The following OTOG variants were observed in gnomAD, a reference collection of about 807,000 sequenced individuals.
OTOG encodes otogelin.
A neutral mutation model predicts 313.8 loss-of-function variants in OTOG; 296 were observed. The observed-to-expected ratio is 0.94, with a 90% CI of 0.86 to 1.04. The LOEUF is 1.04. Ranked by LOEUF, OTOG falls within the 50% of genes least tolerant of loss-of-function variation. The pLI, the probability that OTOG is intolerant of heterozygous loss-of-function variation, is 0.00. For missense variants in OTOG, 3,948 were observed against 3,840.1 expected (o/e 1.03, Z -0.74); for synonymous variants, 1,533 against 1,554.9 (o/e 0.99, Z 0.33).
chr11:17,613,251 CTTTCTTTCTTTCTT>C, intron 38 of OTOG, among the ~76,000 whole-genome samples: 1 of 123,086 alleles, frequency 8.1e-6, no homozygotes, highest in African/African-American at 3.6e-5. Context: ...TTCTTTCTTT[CTTTCTTTCTTTCTT>C]TCTCTCTCTG....
chr11:17,552,549 C>CCCACCTGTCCTGTGTCT (rs1851960692), intron 4 of OTOG, among the ~76,000 whole-genome samples: 8 of 65,538 alleles, frequency 1.2e-4, no homozygotes, highest in East Asian at 4.5e-4. Flanking sequence ...GTCCTGTGTC[C>CCCACCTGTCCTGTGTCT]CCCACCTGTC....
chr11:17,597,174 A>G (rs1420322999), intron 30 of OTOG, among the ~76,000 whole-genome samples, 167 bp downstream of exon 30: 1 of 152,204 alleles, frequency 6.6e-6, no homozygotes, highest in Non-Finnish European at 1.5e-5. Flanking sequence ...ACCCTTTGAA[A>G]CAGGGCTATA....
chr11:17,614,136 A>G (rs1447969328), intron 39 of OTOG, among the ~76,000 whole-genome samples: 1 of 152,160 alleles, frequency 6.6e-6, no homozygotes, highest in Non-Finnish European at 1.5e-5. Flanking sequence ...AGGCCGGGGT[A>G]TCCAACAACA....
At chr11:17,558,100 G>A in intron 8 of OTOG, 85 bp from the exon 9 acceptor site, 1 of 1,477,560 alleles carries the variant, frequency 6.8e-7, no homozygotes, top group Non-Finnish European at 9.1e-7. Context: ...CATCCCTTGG[G>A]ATCCGCTTTC....
chr11:17,610,794 C>G lies in OTOG; in HGVS notation c.5494C>G (p.Pro1832Ala). Residue 1832 changes from proline (P) to alanine (A), a missense_variant, in exon 36 of 56, where the codon CCA becomes GCA. Physicochemically the swap from Pro to Ala is conservative, Grantham distance 27 (BLOSUM62 -1). Transcript: ENST00000399397. The part of the protein sequence containing the change: ...PGPKASVITT[P>A]LQPQATTLPA... ...CCCCAAAGCCTCTGTCATCACCACT[C>G]CACTCCAGCCACAGGCCACGACTCT... 1 of 1,550,436 alleles carries G rather than the reference C, an allele frequency of 6.4e-7. No homozygotes were observed. The highest frequency in any genetic ancestry group is 8.7e-7 in the Non-Finnish European group (1 of 1,147,000).
intron 39 of OTOG, among the ~76,000 whole-genome samples, chr11:17,623,582 A>G (rs536502688): frequency 6.6e-6 from 1 of 152,248 alleles, no homozygotes; most frequent in East Asian, 1.9e-4. Flanking sequence ...TGTCTTTGCT[A>G]TTGTGAGTAG....
intron 36 of OTOG, among the ~76,000 whole-genome samples, 168 bp from the exon 37 acceptor site, chr11:17,611,992 TCG>T (rs1333952565): frequency 7.9e-5 from 12 of 152,206 alleles, no homozygotes; most frequent in Non-Finnish European, 1.6e-4. Flanking sequence ...ACTAAGTGCA[TCG>T]CCAGGCCCCA....
intron 4 of OTOG, among the ~76,000 whole-genome samples, chr11:17,552,521 T>TACTGTGTCTCCCACCTG (rs1851957988): frequency 3.3e-5 from 1 of 30,416 alleles, no homozygotes; most frequent in Non-Finnish European, 5.8e-5. Flanking sequence ...CCTGTGTCTG[T>TACTGTGTCTCCCACCTG]TCCTACCTCC....
At position 17,645,574 on chromosome 11, in the gene OTOG, T is replaced by C. The variant is rs940623349; in HGVS notation, c.8472T>C (p.Asp2824=). 5.5e-5 allele frequency: 85 copies of C among 1,550,486 alleles called. No homozygotes were observed. The Admixed American group carries it at 1.5e-3, about 28-fold the overall frequency. Residue 2824 remains aspartate (D), a synonymous_variant, in exon 55 of 56, where the codon GAT becomes GAC. Transcript: ENST00000399397. ...CCCCTGTCCCCCCAGGTAAGGAGGA[T>C]GGGCGCTCCTGCAAGAAGGTGACCA... ...LEGCCRTCKE[D]GRSCKKVTIR...
In OTOG at chr11:17,593,753, G is replaced by T. The variant is rs979900875; in HGVS notation, c.3285G>T (p.Trp1095Cys). The T allele has an allele frequency of 6.5e-7, 1 of 1,548,334 alleles. No individual in the cohort carries two copies. The highest frequency in any genetic ancestry group is 2.4e-5 in the East Asian group (1 of 40,906). The change falls in exon 27 of 56, where the codon TGG (tryptophan) becomes TGT (cysteine). Residue 1095 changes from tryptophan (W) to cysteine (C), a missense_variant. Transcript: ENST00000399397. ...TTVHVQAGPQ[W>C]QGQLAGLCGN... ...TGCACGTCCAGGCTGGGCCTCAGTG[G>T]CAGGTACTTACATGAGCAGTGACAT...
chr11:17,584,494 T>A (rs1239525913), intron 23 of OTOG, among the ~76,000 whole-genome samples: 2 of 151,926 alleles, frequency 1.3e-5, no homozygotes. Flanking sequence ...ATGCTGCAAA[T>A]TTTTTTATAA....
intron 16 of OTOG, among the ~76,000 whole-genome samples, chr11:17,569,885 G>A (rs1240298841): frequency 6.6e-6 from 1 of 152,204 alleles, no homozygotes; most frequent in Non-Finnish European, 1.5e-5. Flanking sequence ...AAGAGAATGG[G>A]TAGTTACAGA....
chr11:17,552,639 G>A (rs1040200091), intron 4 of OTOG, among the ~76,000 whole-genome samples: 4 of 38,250 alleles, frequency 1.0e-4, no homozygotes, highest in African/African-American at 6.7e-4. Flanking sequence ...TCCTTTCCTC[G>A]CTGCCCTCTG....
At chr11:17,559,288 G>A (rs1206709364) in intron 11 of OTOG, 127 bp downstream of exon 11, 15 of 968,390 alleles carry the variant, frequency 1.5e-5, no homozygotes, top group Admixed American at 1.1e-4. Context: ...AGGTTTTATC[G>A]CCATGAGAAA....
chr11:17,635,523 TG>T (rs1854243276), intron 46 of OTOG, 86 bp from the exon 47 acceptor site: 3 of 1,042,494 alleles, frequency 2.9e-6, no homozygotes, highest in Non-Finnish European at 4.3e-6. Context: ...CCTGGGTTGT[TG>T]AGGAGGCCCC....
Position 17,612,815 on chromosome 11 carries a change from G to A in OTOG, c.6438+50G>A, listed in dbSNP as rs539536820. The A allele has an allele frequency of 3.3e-6, 5 of 1,525,178 alleles. No individual in the cohort carries two copies. The Admixed American group carries it at 1.0e-4, about 31-fold the overall frequency. 94.5% of individuals were successfully genotyped at this position (1,525,178 alleles called of 1,614,324 possible). On this transcript the variant is annotated intron_variant, in intron 38 of 55. Transcript: ENST00000399397. ...TGCTGGGGACTAGGAATGGGACTAG[G>A]ATAAGAGGGGAGACGGAGCAGTGAG...
In OTOG at chr11:17,596,845, C is replaced by T. The variant is rs909022769; in HGVS notation, c.3526-6C>T. ...CCTCTGACCTCTAACTTCTGACCTT[C>T]TCCAGGTTGATGTCACTTGGTTTTA... On this transcript the variant is annotated splice_polypyrimidine_tract_variant and splice_region_variant and intron_variant, in intron 29 of 55. Coordinates refer to ENST00000399397, the MANE Select transcript of OTOG (RefSeq NM_001292063.2). 1.4e-5 allele frequency: 22 copies of T among 1,550,638 alleles called. No homozygotes were observed. The highest frequency in any genetic ancestry group is 1.9e-5 in the Non-Finnish European group (22 of 1,146,842).
intron 39 of OTOG, among the ~76,000 whole-genome samples, chr11:17,626,251 C>T (rs1853982685): frequency 6.6e-6 from 1 of 152,220 alleles, no homozygotes; most frequent in South Asian, 2.1e-4. Context: ...TCTTGGCTCA[C>T]TGCTACCTCT....
intron 46 of OTOG, 106 bp downstream of exon 46, chr11:17,635,293 T>C: frequency 1.1e-6 from 1 of 889,964 alleles, no homozygotes; most frequent in South Asian, 1.7e-5. Context: ...GGTCTTCAGA[T>C]GGGGTGGGCA....
Sources: allele counts gnomAD v4.1 joint callset (sites outside exome capture counted in the v4.1 genomes callset), GRCh38; gene constraint gnomAD v4.1.1; transcripts MANE v1.5; gene names NCBI Gene and HGNC (gene_info 2026-07-23, HGNC 2026-07-21).